COX7B2: variants seen among roughly 807,000 people sequenced by gnomAD.
COX7B2 encodes cytochrome c oxidase subunit 7B2, mitochondrial.
For synonymous variants in COX7B2, 37 were observed against 32.1 expected, an observed-to-expected ratio of 1.15 and a Z score of -0.51; for missense variants, 109 against 95.9, an observed-to-expected ratio of 1.14 and a Z score of -0.57.
chr4:46,823,160 A>G (rs1714423622), intron 2 of COX7B2, among the ~76,000 whole-genome samples: 1 of 152,146 alleles, frequency 6.6e-6, no homozygotes, highest in Non-Finnish European at 1.5e-5. Context: ...ATCCTGAAAC[A>G]GTGGCCTCCA....
intron 1 of COX7B2, among the ~76,000 whole-genome samples, chr4:46,864,933 C>T (rs28662124): frequency 0.12 from 18,427 of 152,088 alleles, 1,236 homozygotes; most frequent in South Asian, 0.21. Context: ...CGTAAGGCAC[C>T]GCACCTGGGC....
At chr4:46,754,043 C>T (rs1715588093) in intron 2 of COX7B2, among the ~76,000 whole-genome samples, 1 of 152,082 alleles carries the variant, frequency 6.6e-6, no homozygotes, top group Non-Finnish European at 1.5e-5. Flanking sequence ...GAATGGCAAT[C>T]ATTACAAAGT....
intron 1 of COX7B2, among the ~76,000 whole-genome samples, chr4:46,854,125 G>A (rs578062975): frequency 6.6e-6 from 1 of 152,098 alleles, no homozygotes; most frequent in East Asian, 1.9e-4. Context: ...TAGTCACTTG[G>A]AACAAATATA....
intron 2 of COX7B2, among the ~76,000 whole-genome samples, chr4:46,784,766 ATTG>A (rs1560379015): frequency 6.6e-6 from 1 of 152,236 alleles, no homozygotes; most frequent in East Asian, 1.9e-4. Flanking sequence ...TCATGACTTA[ATTG>A]TTGTCTTATG....
intron 2 of COX7B2, among the ~76,000 whole-genome samples, chr4:46,735,786 G>T (rs560486979): frequency 4.6e-5 from 7 of 152,138 alleles, no homozygotes; most frequent in African/African-American, 1.7e-4. Context: ...ACACCCCTTT[G>T]TCTCTGGGTT....
At chr4:46,738,039 T>C (rs993793451) in intron 2 of COX7B2, among the ~76,000 whole-genome samples, 1 of 152,120 alleles carries the variant, frequency 6.6e-6, no homozygotes, top group African/African-American at 2.4e-5. Flanking sequence ...TTCATTTGAA[T>C]TGAATTCAGA....
intron 2 of COX7B2, among the ~76,000 whole-genome samples, chr4:46,746,030 T>G (rs1715002300): frequency 6.6e-6 from 1 of 152,180 alleles, no homozygotes; most frequent in South Asian, 2.1e-4. Flanking sequence ...TTTCAAACAC[T>G]AGATACAGTT....
At chr4:46,808,034 A>G (rs2109651727) in intron 2 of COX7B2, among the ~76,000 whole-genome samples, 1 of 151,854 alleles carries the variant, frequency 6.6e-6, no homozygotes, top group South Asian at 2.1e-4. Flanking sequence ...TTGGTTTTAA[A>G]GTTGTTGTTT....
chr4:46,837,006 ATAGAT>A (rs1715559294), intron 2 of COX7B2, among the ~76,000 whole-genome samples: 1 of 152,116 alleles, frequency 6.6e-6, no homozygotes, highest in Non-Finnish European at 1.5e-5. Flanking sequence ...AGTTTTACAT[ATAGAT>A]TAGTCAATAG....
intron 2 of COX7B2, among the ~76,000 whole-genome samples, chr4:46,760,790 C>T (rs150734267): frequency 6.6e-6 from 1 of 152,038 alleles, no homozygotes; most frequent in East Asian, 1.9e-4. Flanking sequence ...TCAGTGAATA[C>T]ATTTAATGGC....
intron 2 of COX7B2, among the ~76,000 whole-genome samples, chr4:46,812,492 G>T (rs1198535833): frequency 1.3e-5 from 2 of 152,184 alleles, no homozygotes; most frequent in African/African-American, 2.4e-5. Flanking sequence ...GGTACCATGA[G>T]GTGGTGACTC....
At chr4:46,894,631 G>A (rs6818390) in intron 1 of COX7B2, among the ~76,000 whole-genome samples, 36,939 of 152,036 alleles carry the variant, frequency 0.24, 4,694 homozygotes, top group East Asian at 0.29. Flanking sequence ...AGCAAAAATT[G>A]ACAAGTGGGA....
At chr4:46,825,129 A>AC (rs944963197) in intron 2 of COX7B2, among the ~76,000 whole-genome samples, 2 of 151,724 alleles carry the variant, frequency 1.3e-5, no homozygotes, top group African/African-American at 4.8e-5. Flanking sequence ...AGATCTAAAA[A>AC]CCCCCCAGTC....
intron 1 of COX7B2, among the ~76,000 whole-genome samples, chr4:46,854,665 C>G (rs1357347173): frequency 1.3e-5 from 2 of 152,100 alleles, no homozygotes; most frequent in African/African-American, 2.4e-5. Context: ...GGAACAAAAT[C>G]TGGCAGCATG....
intron 2 of COX7B2, among the ~76,000 whole-genome samples, chr4:46,785,064 T>A (rs574441249): frequency 6.6e-6 from 1 of 152,214 alleles, no homozygotes; most frequent in Non-Finnish European, 1.5e-5. Context: ...ATTTTTAGAA[T>A]CTATTTCATT....
intron 2 of COX7B2, among the ~76,000 whole-genome samples, chr4:46,754,528 A>G (rs62303547): frequency 0.3 from 24,666 of 83,098 alleles, 3,759 homozygotes; most frequent in South Asian, 0.44. Context: ...ACACTTGGAC[A>G]CAGGAAGGGG....
chr4:46,880,599 C>T (rs1178535346), intron 1 of COX7B2, among the ~76,000 whole-genome samples: 1 of 151,716 alleles, frequency 6.6e-6, no homozygotes, highest in Non-Finnish European at 1.5e-5. Context: ...GTAGTAGTTT[C>T]TGATGGCAAT....
At chr4:46,871,374 A>G (rs1717980336) in intron 1 of COX7B2, among the ~76,000 whole-genome samples, 1 of 152,180 alleles carries the variant, frequency 6.6e-6, no homozygotes, top group Admixed American at 6.6e-5. Context: ...AAAACCCAAA[A>G]CTATAAAAAC....
chr4:46,741,398 T>C (rs1714699108), intron 2 of COX7B2, among the ~76,000 whole-genome samples: 1 of 151,976 alleles, frequency 6.6e-6, no homozygotes, highest in African/African-American at 2.4e-5. Flanking sequence ...AGCAGTAGTA[T>C]CCCCCAGTTT....
Sources: gnomAD v4.1 joint callset for allele counts (sites outside exome capture counted in the v4.1 genomes callset) on GRCh38, gnomAD v4.1.1 for gene constraint, MANE v1.5 for transcripts, NCBI Gene and HGNC (gene_info 2026-07-23, HGNC 2026-07-21) for gene names.